The following PKHD1L1 variants were observed in gnomAD, a reference collection of about 807,000 sequenced individuals.
PKHD1L1 encodes PKHD1 like 1.
Under a neutral mutation model 462.9 loss-of-function variants are expected in PKHD1L1, and 434 were observed. The observed-to-expected ratio is 0.94, with a 90% CI of 0.87 to 1.02. The LOEUF is 1.02. PKHD1L1 is among the 50% of genes least tolerant of loss of function. PKHD1L1 has a pLI of 0.00. For missense variants in PKHD1L1, 5,202 were observed against 5,096.1 expected, an observed-to-expected ratio of 1.02 and a Z score of -0.63; for synonymous variants, 1,781 against 1,750.0, an observed-to-expected ratio of 1.02 and a Z score of -0.44.
At chr8:109,424,978 A>G in intron 23 of PKHD1L1, 107 bp from the exon 24 acceptor site, 2 of 933,942 alleles carry the variant, frequency 2.1e-6, no homozygotes, top group Non-Finnish European at 3.1e-6. Flanking sequence ...TCCTGAATAC[A>G]TGAGGCTCAT....
Position 109,394,493 on chromosome 8 carries a change from A to T in PKHD1L1, c.811+8A>T, listed in dbSNP as rs1023660033. 6.7e-6 allele frequency: 10 copies of T among 1,486,194 alleles called. No individual in the cohort carries two copies. The highest frequency in any genetic ancestry group is 8.1e-6 in the Non-Finnish European group (9 of 1,108,820). The allele number at this position is 1,486,194 out of a possible 1,614,324, so 92.1% of individuals were successfully genotyped here. ...TGTTTCAAACATATGCAGGTATGTGACTTTTCTTTCACTCTGTTGCGGGGG... is the reference window on the plus strand; with the variant it reads ...TGTTTCAAACATATGCAGGTATGTGTCTTTTCTTTCACTCTGTTGCGGGGG... On this transcript the variant is annotated splice_region_variant and intron_variant, in intron 10 of 77. Coordinates refer to ENST00000378402, the MANE Select transcript of PKHD1L1 (RefSeq NM_177531.6).
At chr8:109,384,713 A>C (rs2130443838) in intron 5 of PKHD1L1, among the ~76,000 whole-genome samples, 2 of 152,160 alleles carry the variant, frequency 1.3e-5, no homozygotes, top group African/African-American at 4.8e-5. Context: ...GAGAATGTAT[A>C]ACCTTGACAA....
At chr8:109,394,170 CAA>C (rs146708536) in intron 9 of PKHD1L1, among the ~76,000 whole-genome samples, 22,837 of 62,760 alleles carry the variant, frequency 0.36, 1,848 homozygotes, top group East Asian at 0.45. Context: ...GAGACTCTGT[CAA>C]AAAAAAAAAA....
chr8:109,384,538 A>T (rs1233423225), intron 5 of PKHD1L1, among the ~76,000 whole-genome samples: 1 of 152,088 alleles, frequency 6.6e-6, no homozygotes, highest in African/African-American at 2.4e-5. Context: ...GAAAAAAAAG[A>T]AAAAAGTACC....
chr8:109,477,246 A>G lies in PKHD1L1; in HGVS notation c.8939A>G (p.His2980Arg). The G allele has an allele frequency of 6.2e-7, 1 of 1,613,322 alleles. No homozygotes were observed. Among genetic ancestry groups the G allele is most frequent in the African/African-American group, 1.3e-5 (1 of 75,018 alleles). ...TCAGTGTCAGGAAGAAATGACCTTCATCAGAGTCAGCTCATTTCTGGGAAC... is the reference window on the plus strand; with the variant it reads ...TCAGTGTCAGGAAGAAATGACCTTCGTCAGAGTCAGCTCATTTCTGGGAAC... Reference protein sequence around the residue: ...YYLVSGRNDLHQSQLISGNLD... With the variant: ...YYLVSGRNDLRQSQLISGNLD... Residue 2980 changes from histidine to arginine, a missense_variant, in exon 53 of 78, where the codon CAT (histidine) becomes CGT (arginine). His to Arg is a conservative substitution (Grantham distance 29). Coordinates refer to ENST00000378402, the MANE Select transcript of PKHD1L1 (RefSeq NM_177531.6).
Position 109,362,659 on chromosome 8 carries a change from C to T in PKHD1L1, c.73+6C>T. The T allele has an allele frequency of 6.3e-7, 1 of 1,595,844 alleles. No individual in the cohort carries two copies. The highest frequency in any genetic ancestry group is 2.3e-5 in the East Asian group (1 of 44,142). ...TGCCGCGGATCCCAGCACAGGTAACCCTTTGGGCACGCTAGGCAGGCAAGC... is the reference window on the plus strand; with the variant it reads ...TGCCGCGGATCCCAGCACAGGTAACTCTTTGGGCACGCTAGGCAGGCAAGC... On this transcript the variant is annotated splice_donor_region_variant and intron_variant, in intron 1 of 77. Transcript: ENST00000378402.
intron 30 of PKHD1L1, 62 bp from the exon 31 acceptor site, chr8:109,438,262 C>A: frequency 1.7e-6 from 2 of 1,181,072 alleles, no homozygotes; most frequent in South Asian, 1.8e-5. Context: ...TATTTCTTTT[C>A]ATCCCTTGCA....
intron 73 of PKHD1L1, among the ~76,000 whole-genome samples, chr8:109,521,258 C>G (rs1276633602): frequency 6.6e-6 from 1 of 152,124 alleles, no homozygotes; most frequent in Admixed American, 6.6e-5. Flanking sequence ...AGAAGAAACT[C>G]AGTGATTTGA....
At position 109,536,156 on chromosome 8, in the gene PKHD1L1, T is replaced by C. The variant is rs1418238711; in HGVS notation, c.*6066T>C. 6.6e-6 allele frequency among the ~76,000 whole-genome samples: 1 copy of C among 152,220 alleles called. No homozygotes were observed. Among genetic ancestry groups the C allele is most frequent in the Non-Finnish European group, 1.5e-5 (1 of 68,038 alleles). On this transcript the variant is annotated 3_prime_UTR_variant, in exon 78 of 78. Transcript: ENST00000378402. ...ATTCCATGTTGTGAGCTAAAGGGGA[T>C]TGTACTGATCTTGAAGATAACAAAT... is the stretch of plus-strand genomic sequence containing the variant.
chr8:109,362,784 T>A (rs1029305988), intron 1 of PKHD1L1, 131 bp downstream of exon 1: 7 of 958,160 alleles, frequency 7.3e-6, no homozygotes, highest in Non-Finnish European at 1.1e-5. Flanking sequence ...TGCATGACGA[T>A]CCTGGGGACC....
rs1166760958 is a variant in PKHD1L1, at chr8:109,477,241, C to G, written c.8934C>G (p.Asp2978Glu). Residue 2978 changes from aspartate (D) to glutamate (E), a missense_variant, in exon 53 of 78, where the codon GAC becomes GAG. Physicochemically the swap from Asp to Glu is conservative, Grantham distance 45. This residue lies in a region of PKHD1L1 where 4,497 missense variants were observed against 4,336.8 expected (regional missense o/e 1.04). Coordinates refer to ENST00000378402, the MANE Select transcript of PKHD1L1 (RefSeq NM_177531.6). ...TLYYLVSGRN[D>E]LHQSQLISGN... is the part of the protein sequence containing the mutation. ...CACTTTCAGTGTCAGGAAGAAATGA[C>G]CTTCATCAGAGTCAGCTCATTTCTG... 6.2e-7 allele frequency: 1 copy of G among 1,613,114 alleles called. No individual in the cohort carries two copies. Among genetic ancestry groups the G allele is most frequent in the Non-Finnish European group, 8.5e-7 (1 of 1,179,502 alleles).
Position 109,530,114 on chromosome 8 carries a change from G to A in PKHD1L1, c.*24G>A, listed in dbSNP as rs1586675782. On this transcript the variant is annotated 3_prime_UTR_variant, in exon 78 of 78. Transcript: ENST00000378402. ...AAAGTGCTGTTCCGAAGAATAGGCT[G>A]AAACAAAAATATAAGAATTATTAGC... 1.5e-6 allele frequency: 2 copies of A among 1,319,612 alleles called. No homozygotes were observed. The highest frequency in any genetic ancestry group is 2.0e-5 in the South Asian group (1 of 49,796). 81.7% of individuals were successfully genotyped at this position (1,319,612 alleles called of 1,614,324 possible).
At chr8:109,479,962 G>T in intron 54 of PKHD1L1, 29 bp from the exon 55 acceptor site, 1 of 1,524,448 alleles carries the variant, frequency 6.6e-7, no homozygotes, top group Non-Finnish European at 8.8e-7. Flanking sequence ...TATGGATTAT[G>T]TTATATTTCT....
chr8:109,473,089 C>T (rs1295885584), intron 50 of PKHD1L1, among the ~76,000 whole-genome samples: 1 of 151,994 alleles, frequency 6.6e-6, no homozygotes, highest in Non-Finnish European at 1.5e-5. Context: ...CACTTAAAAC[C>T]AACATACTTG....
At chr8:109,493,639 T>A in intron 62 of PKHD1L1, 22 bp from the exon 63 acceptor site, 1 of 1,491,148 alleles carries the variant, frequency 6.7e-7, no homozygotes, top group Non-Finnish European at 9.2e-7. Flanking sequence ...TGCACAGTAT[T>A]TTTTTTTAAT....
At chr8:109,493,288 T>C (rs1442472858) in intron 62 of PKHD1L1, among the ~76,000 whole-genome samples, 1 of 150,398 alleles carries the variant, frequency 6.6e-6, no homozygotes, top group African/African-American at 2.4e-5. Flanking sequence ...ACTTTTTCAG[T>C]GATCACAACT....
At position 109,466,768 on chromosome 8, in the gene PKHD1L1, T is replaced by C. The variant is rs2130840125; in HGVS notation, c.8604T>C (p.Phe2868=). The change falls in exon 50 of 78, where the codon TTT becomes TTC. Residue 2868 remains phenylalanine (F), a splice_region_variant and synonymous_variant. Transcript: ENST00000378402. ...AGGATGTGGTTCTTTCAGACTCTTT[T>C]GGTAAGTGGAATATATTAGTTTAAA... ...LEKDVVLSDS[F]GTSIIPFQKK... The C allele has an allele frequency of 6.2e-7, 1 of 1,609,262 alleles. No individual in the cohort carries two copies. Among genetic ancestry groups the C allele is most frequent in the African/African-American group, 1.3e-5 (1 of 74,746 alleles).
At chr8:109,528,919 T>C (rs1297740950) in intron 77 of PKHD1L1, among the ~76,000 whole-genome samples, 1 of 152,096 alleles carries the variant, frequency 6.6e-6, no homozygotes, top group South Asian at 2.1e-4. Flanking sequence ...AGAGCTTTGA[T>C]TGGAACATAT....
intron 6 of PKHD1L1, among the ~76,000 whole-genome samples, chr8:109,386,926 T>A (rs1280170152): frequency 6.6e-6 from 1 of 152,174 alleles, no homozygotes; most frequent in Non-Finnish European, 1.5e-5. Context: ...TGCAGTGAGA[T>A]GGGACATTAG....
Sources: allele counts gnomAD v4.1 joint callset (sites outside exome capture counted in the v4.1 genomes callset), GRCh38; gene constraint gnomAD v4.1.1; regional missense constraint gnomAD v4.1.1; transcripts MANE v1.5; gene names NCBI Gene and HGNC (gene_info 2026-07-23, HGNC 2026-07-21).